Variants in PPP1R13B observed in about 807,000 individuals in gnomAD.
PPP1R13B encodes protein phosphatase 1 regulatory subunit 13B, also known as apoptosis-stimulating of p53 protein 1.
PPP1R13B carries 44 observed loss-of-function variants against 119.8 expected under a neutral mutation model. The observed-to-expected ratio is 0.37, with a 90% confidence interval of 0.29 to 0.47. PPP1R13B has a LOEUF of 0.47. Ranked by LOEUF, PPP1R13B falls within the 20% of genes least tolerant of loss-of-function variation. The pLI, the probability that PPP1R13B is intolerant of heterozygous loss-of-function variation, is 0.99. For missense variants in PPP1R13B, 1,227 were observed against 1,413.5 expected (o/e 0.87, Z 2.12); for synonymous variants, 542 against 561.5 (o/e 0.97, Z 0.49).
intron 2 of PPP1R13B, among the ~76,000 whole-genome samples, chr14:103,794,187 G>C (rs769289630): frequency 6.6e-6 from 1 of 152,070 alleles, no homozygotes; most frequent in African/African-American, 2.4e-5. Flanking sequence ...ACTTTGTTAC[G>C]GCAGCCTCAG....
At chr14:103,835,456 G>C (rs2086753743) in intron 1 of PPP1R13B, among the ~76,000 whole-genome samples, 1 of 146,514 alleles carries the variant, frequency 6.8e-6, no homozygotes, top group Non-Finnish European at 1.5e-5. Context: ...AAAGAGACCA[G>C]GTCTTGCTCT....
At chr14:103,830,902 C>T (rs2086651622) in intron 1 of PPP1R13B, among the ~76,000 whole-genome samples, 1 of 151,994 alleles carries the variant, frequency 6.6e-6, no homozygotes, top group African/African-American at 2.4e-5. Context: ...ATGTAAACTA[C>T]CCCACTAATG....
intron 1 of PPP1R13B, among the ~76,000 whole-genome samples, chr14:103,828,496 AG>A (rs2086601274): frequency 6.6e-6 from 1 of 152,222 alleles, no homozygotes. Context: ...AATTTTACTC[AG>A]CCCAGCTTGG....
chr14:103,741,584 T>G (rs2084259267), intron 11 of PPP1R13B, among the ~76,000 whole-genome samples: 1 of 152,254 alleles, frequency 6.6e-6, no homozygotes, highest in South Asian at 2.1e-4. Flanking sequence ...GTCAGAGAAC[T>G]GTGAGCCATC....
intron 1 of PPP1R13B, chr14:103,804,013 T>C (rs2085961959): frequency 2.1e-6 from 2 of 969,260 alleles, no homozygotes; most frequent in Non-Finnish European, 2.5e-6. Flanking sequence ...TTTTCTTGAC[T>C]ACATCCTCTA....
rs1345649435 is a variant in PPP1R13B at position 103,734,952 on chromosome 14, C to T, written c.*202G>A. On this transcript the variant is annotated 3_prime_UTR_variant, in exon 17 of 17. Transcript: ENST00000202556. Reference sequence around the variant, plus strand: ...ATTGGCAAAATTCAGTCCTTGGAGGCGAAAGTACCTCTCCCAGTTAATGGG... The same window carrying T: ...ATTGGCAAAATTCAGTCCTTGGAGGTGAAAGTACCTCTCCCAGTTAATGGG... 2 of 707,146 alleles carry T rather than the reference C, an allele frequency of 2.8e-6. No individual in the cohort carries two copies. The highest frequency in any genetic ancestry group is 5.1e-6 in the Non-Finnish European group (2 of 391,552). 43.8% of individuals were successfully genotyped at this position (707,146 alleles called of 1,614,324 possible).
intron 4 of PPP1R13B, chr14:103,764,016 C>T (rs552562612): frequency 2.6e-5 from 4 of 152,404 alleles, no homozygotes; most frequent in African/African-American, 9.6e-5. Context: ...TTTATCCATT[C>T]ACCAGTTAAT....
At position 103,769,495 on chromosome 14, in the gene PPP1R13B, C is replaced by T. The variant is rs1030875830; in HGVS notation, c.354+9250G>A. ...TCTCAAGTTATTCTCTTGCCTTGGC[C>T]TCTCAAAGTGCTGGGATCACAGGCG... On this transcript the variant is annotated intron_variant, in intron 4 of 16. Transcript: ENST00000202556. Among the ~76,000 whole-genome samples the T allele has an allele frequency of 3.9e-5, 6 of 152,152 alleles. No homozygotes were observed. The South Asian group carries it at 1.2e-3, about 32-fold the overall frequency.
At chr14:103,795,020 T>C (rs2085725182) in intron 2 of PPP1R13B, among the ~76,000 whole-genome samples, 1 of 152,206 alleles carries the variant, frequency 6.6e-6, no homozygotes, top group African/African-American at 2.4e-5. Flanking sequence ...CTTGGCTCAC[T>C]GCAACCTCCG....
intron 1 of PPP1R13B, among the ~76,000 whole-genome samples, chr14:103,807,716 G>C (rs76485335): frequency 6.6e-6 from 1 of 152,024 alleles, no homozygotes; most frequent in East Asian, 2.0e-4. Context: ...GGATGGTCTC[G>C]ATCTCCTGAC....
intron 8 of PPP1R13B, among the ~76,000 whole-genome samples, chr14:103,749,089 C>T (rs2084473186): frequency 1.3e-5 from 2 of 152,198 alleles, no homozygotes; most frequent in African/African-American, 4.8e-5. Context: ...GGAATCGACT[C>T]ATGTGATTGT....
intron 2 of PPP1R13B, among the ~76,000 whole-genome samples, chr14:103,786,761 T>G (rs1306940691): frequency 1.3e-5 from 1 of 77,776 alleles, no homozygotes; most frequent in African/African-American, 8.4e-5. Context: ...GAGAAAACTC[T>G]GTCTCAAAAA....
At chr14:103,824,979 C>T (rs560878462) in intron 1 of PPP1R13B, among the ~76,000 whole-genome samples, 1 of 152,264 alleles carries the variant, frequency 6.6e-6, no homozygotes, top group Non-Finnish European at 1.5e-5. Context: ...GCTGTGGCAA[C>T]CCTGTGTCAA....
At chr14:103,796,499 T>G (rs1176392707) in intron 2 of PPP1R13B, among the ~76,000 whole-genome samples, 1 of 152,200 alleles carries the variant, frequency 6.6e-6, no homozygotes, top group Non-Finnish European at 1.5e-5. Context: ...GCAGAAATTC[T>G]CCACATCGTA....
chr14:103,829,305 T>G (rs1373877361), intron 1 of PPP1R13B, among the ~76,000 whole-genome samples: 2 of 152,216 alleles, frequency 1.3e-5, no homozygotes, highest in Non-Finnish European at 2.9e-5. Context: ...AAATGACACT[T>G]CAACATTTTT....
intron 3 of PPP1R13B, among the ~76,000 whole-genome samples, chr14:103,779,098 A>G (rs777301072): frequency 5.3e-5 from 8 of 152,016 alleles, no homozygotes; most frequent in Non-Finnish European, 7.4e-5. Flanking sequence ...GACCAGCCTC[A>G]GCAACATGGG....
intron 4 of PPP1R13B, among the ~76,000 whole-genome samples, chr14:103,776,796 C>T (rs947390682): frequency 4.7e-5 from 7 of 150,322 alleles, no homozygotes; most frequent in Middle Eastern, 6.8e-3. Context: ...GGCTTGAATC[C>T]GGGAGGCGGA....
chr14:103,837,195 G>A (rs1014938186), intron 1 of PPP1R13B, among the ~76,000 whole-genome samples: 16 of 152,316 alleles, frequency 1.1e-4, no homozygotes, highest in Admixed American at 7.2e-4. Flanking sequence ...CAGGCAAACC[G>A]GAAACACAGG....
rs369820742 is a variant in PPP1R13B, at chr14:103,740,382, G to A, written c.2034C>T (p.Ile678=). 123 of 1,570,380 alleles carry A rather than the reference G, an allele frequency of 7.8e-5. No homozygotes were observed. Among genetic ancestry groups the A allele is most frequent in the Admixed American group, 1.4e-4 (8 of 55,566 alleles). The part of the protein sequence containing the change: ...RPLSPTKLTP[I]VHSPLRYQSD... ...TCTGGTAGCGCAGTGGCGAATGCAC[G>A]ATGGGCGTGAGCTTGGTGGGGCTGA... Residue 678 remains isoleucine, a synonymous_variant, in exon 12 of 17, where the codon ATC becomes ATT. Transcript: ENST00000202556. The surrounding 1 kb of genome is among the most constrained non-coding windows in gnomAD (Gnocchi z 4.6).
Sources: allele counts gnomAD v4.1 joint callset (sites outside exome capture counted in the v4.1 genomes callset), GRCh38; gene constraint gnomAD v4.1.1; non-coding constraint Gnocchi (gnomAD v3.1); transcripts MANE v1.5; gene names NCBI Gene and HGNC (gene_info 2026-07-23, HGNC 2026-07-21).